Variants in ERCC6L2 observed in about 807,000 individuals in gnomAD.
ERCC6L2 encodes ERCC excision repair 6 like 2.
Under a neutral mutation model 132.0 loss-of-function variants are expected in ERCC6L2, and 77 were observed. That is an observed-to-expected ratio of 0.58 (90% CI 0.49 to 0.71). The LOEUF (loss-of-function observed/expected upper bound fraction) is 0.71. Among genes scored for constraint, ERCC6L2 ranks in the 30% least tolerant of loss-of-function variants. The probability of loss-of-function intolerance (pLI) is 0.00; values close to 1 mark genes in which losing one functional copy is unlikely to be tolerated. For missense variants in ERCC6L2, 1,542 were observed against 1,837.6 expected (o/e 0.84, Z 2.94); for synonymous variants, 583 against 632.4 (o/e 0.92, Z 1.17).
At chr9:96,020,010 C>T (rs1834257391), downstream of ERCC6L2, 1 of 152,202 alleles carries the variant, frequency 6.6e-6, no homozygotes, top group Admixed American at 6.5e-5. Context: ...ATGGTGAAAC[C>T]CTTTCTCTAC....
chr9:95,876,024 C>G lies in ERCC6L2; in HGVS notation c.-15C>G, dbSNP rs56108623. 1 of 1,584,482 alleles carries G rather than the reference C, an allele frequency of 6.3e-7. No homozygotes were observed. The highest frequency in any genetic ancestry group is 2.3e-5 in the East Asian group (1 of 42,816). On this transcript the variant is annotated 5_prime_UTR_variant, in exon 1 of 19. Transcript: ENST00000653738. ...GTGTTACATGCAGCCGGGCTCGGCCCCTCCCCCTGGCCGGATGGATCCGTC... is the reference window on the plus strand; with the variant it reads ...GTGTTACATGCAGCCGGGCTCGGCCGCTCCCCCTGGCCGGATGGATCCGTC...
At chr9:95,918,024 T>C (rs1326003950) in intron 6 of ERCC6L2, 4 of 176,980 alleles carry the variant, frequency 2.3e-5, no homozygotes, top group Non-Finnish European at 3.6e-5. Flanking sequence ...GTACTAAATA[T>C]TTTATATAAA....
intron 2 of ERCC6L2, among the ~76,000 whole-genome samples, chr9:95,895,767 G>A (rs1828424019): frequency 8.0e-6 from 1 of 125,026 alleles, no homozygotes; most frequent in Non-Finnish European, 1.6e-5. Context: ...TTGCTCTGTT[G>A]CCCAGGCTGG....
At chr9:96,010,938 A>G (rs1834007089) in intron 18 of ERCC6L2, among the ~76,000 whole-genome samples, 1 of 152,242 alleles carries the variant, frequency 6.6e-6, no homozygotes, top group Non-Finnish European at 1.5e-5. Flanking sequence ...ACTATGGTGT[A>G]AAATATAATT....
chr9:95,995,938 G>A (rs1166344001), intron 17 of ERCC6L2, among the ~76,000 whole-genome samples: 1 of 152,100 alleles, frequency 6.6e-6, no homozygotes, highest in Non-Finnish European at 1.5e-5. Flanking sequence ...TTGAAGTTAG[G>A]CCAATTAATA....
chr9:95,993,897 C>A (rs1833384965), intron 17 of ERCC6L2, among the ~76,000 whole-genome samples: 1 of 152,122 alleles, frequency 6.6e-6, no homozygotes, highest in Admixed American at 6.5e-5. Context: ...ATTTGAACAT[C>A]ATTTTTAAAC....
In ERCC6L2 at chr9:95,918,571, T is replaced by C. The variant is rs538133097; in HGVS notation, c.1158+2137T>C. 1.5e-5 allele frequency: 6 copies of C among 406,692 alleles called. No homozygotes were observed. In the East Asian group the frequency reaches 4.0e-4, roughly 27 times the overall value. The allele number at this position is 406,692 out of a possible 1,614,324, so 25.2% of individuals were successfully genotyped here. On this transcript the variant is annotated intron_variant, in intron 6 of 18. Transcript: ENST00000653738. Reference sequence around the variant, plus strand: ...CATTACAGCTACTCTGAGAATTGTGTGGAAAAGGACGGCCTGATTTTTACA... The same window carrying C: ...CATTACAGCTACTCTGAGAATTGTGCGGAAAAGGACGGCCTGATTTTTACA...
At chr9:95,919,367 T>G (rs1587906229) in intron 6 of ERCC6L2, among the ~76,000 whole-genome samples, 1 of 152,326 alleles carries the variant, frequency 6.6e-6, no homozygotes, top group East Asian at 1.9e-4. Context: ...ATGTCACTGC[T>G]TTGTCCCTGA....
Position 96,014,152 on chromosome 9 carries a change from T to C in ERCC6L2, c.*949T>C, listed in dbSNP as rs1834124600. On this transcript the variant is annotated 3_prime_UTR_variant, in exon 19 of 19. Transcript: ENST00000653738. The stretch of plus-strand genomic sequence containing the variant: ...GGTGAATGAAAGGAAATCATGTCAG[T>C]GAAAAATCATGGTGGAAAGCCCCTG... 1 of 152,204 alleles carries C rather than the reference T, an allele frequency of 6.6e-6. No individual in the cohort carries two copies. The highest frequency in any genetic ancestry group is 2.1e-4 in the South Asian group (1 of 4,834). 9.4% of individuals were successfully genotyped at this position (152,204 alleles called of 1,614,324 possible). A position where few individuals can be genotyped will look rare whatever the true frequency, so the allele number is the denominator to read the frequency against.
chr9:95,985,125 C>A (rs1833047928), intron 17 of ERCC6L2, among the ~76,000 whole-genome samples: 1 of 152,188 alleles, frequency 6.6e-6, no homozygotes, highest in Admixed American at 6.5e-5. Flanking sequence ...GTTTCAGGTT[C>A]CTTTAGTGCC....
intron 13 of ERCC6L2, among the ~76,000 whole-genome samples, chr9:95,956,939 A>T (rs1220126665): frequency 6.6e-6 from 1 of 152,170 alleles, no homozygotes; most frequent in Admixed American, 6.6e-5. Flanking sequence ...ATGTGCCATC[A>T]CATGAAGATT....
At chr9:95,881,428 A>T in intron 2 of ERCC6L2, 135 bp downstream of exon 2, 10 of 601,626 alleles carry the variant, frequency 1.7e-5, no homozygotes, top group Non-Finnish European at 2.3e-5. Flanking sequence ...TGTCTCACTA[A>T]CTAGATAGTG....
intron 1 of ERCC6L2, among the ~76,000 whole-genome samples, chr9:95,878,760 G>A (rs1465312767): frequency 2.0e-5 from 3 of 149,548 alleles, no homozygotes; most frequent in African/African-American, 7.4e-5. Flanking sequence ...TGCGGTGTTT[G>A]GTTTTTTGTT....
In ERCC6L2 at chr9:95,984,248, A is replaced by C. The variant is rs539860943; in HGVS notation, c.3492+6033A>C. Among the ~76,000 whole-genome samples, 6 of 149,352 alleles carry C rather than the reference A, an allele frequency of 4.0e-5. No homozygotes were observed. In the South Asian group the frequency reaches 1.3e-3, roughly 31 times the overall value. ...ATATATTATATATGTTATATATGTT[A>C]TGTAACTACATACATGTATGTTATG... On this transcript the variant is annotated intron_variant, in intron 17 of 18. Coordinates refer to ENST00000653738, the MANE Select transcript of ERCC6L2 (RefSeq NM_020207.7).
chr9:95,949,216 A>G (rs906012012), intron 12 of ERCC6L2, among the ~76,000 whole-genome samples: 1 of 152,218 alleles, frequency 6.6e-6, no homozygotes, highest in African/African-American at 2.4e-5. Flanking sequence ...AAGTGAACAT[A>G]TAGGACACTA....
chr9:95,899,344 C>G (rs960657228), intron 3 of ERCC6L2, among the ~76,000 whole-genome samples: 3 of 151,604 alleles, frequency 2.0e-5, no homozygotes, highest in Admixed American at 1.3e-4. Context: ...CCAGGTACTT[C>G]GGAGGCTGAA....
intron 19 of ERCC6L2, among the ~76,000 whole-genome samples, chr9:96,033,891 G>A (rs376839391): frequency 1.3e-5 from 2 of 152,182 alleles, no homozygotes; most frequent in East Asian, 1.9e-4. Context: ...GAAGCATACC[G>A]GGGCTCAGAA....
chr9:96,025,118 C>A (rs566723529), intron 19 of ERCC6L2, among the ~76,000 whole-genome samples: 1 of 152,284 alleles, frequency 6.6e-6, no homozygotes, highest in Non-Finnish European at 1.5e-5. Context: ...TCTAGTAGAA[C>A]TCTTTTGTTG....
At chr9:95,924,093 G>A (rs1161102550) in intron 9 of ERCC6L2, among the ~76,000 whole-genome samples, 4 of 152,092 alleles carry the variant, frequency 2.6e-5, no homozygotes, top group Non-Finnish European at 2.9e-5. Flanking sequence ...TTTATTTGTA[G>A]ATTCACAGAT....
Sources: gnomAD v4.1 joint callset for allele counts (sites outside exome capture counted in the v4.1 genomes callset) on GRCh38, gnomAD v4.1.1 for gene constraint, MANE v1.5 for transcripts, NCBI Gene and HGNC (gene_info 2026-07-23, HGNC 2026-07-21) for gene names.